The following ATF6B variants were observed in gnomAD, a reference collection of about 807,000 sequenced individuals.
ATF6B encodes the protein cyclic AMP-dependent transcription factor ATF-6 beta.
ATF6B carries 50 observed loss-of-function variants against 83.5 expected under a neutral mutation model. The observed-to-expected ratio is 0.60, with a 90% CI of 0.48 to 0.76. The LOEUF (loss-of-function observed/expected upper bound fraction) is 0.76. ATF6B is among the 30% of genes least tolerant of loss of function. The pLI, the probability that ATF6B is intolerant of heterozygous loss-of-function variation, is 0.00. For synonymous variants in ATF6B, 344 were observed against 362.8 expected (o/e 0.95, Z 0.59); for missense variants, 790 against 893.8 (o/e 0.88, Z 1.48).
In ATF6B at chr6:32,125,478, T is replaced by C. The variant is rs1214314103; in HGVS notation, c.478+639A>G. On this transcript the variant is annotated intron_variant, in intron 5 of 17. Coordinates refer to ENST00000375203, the MANE Select transcript of ATF6B (RefSeq NM_004381.5). This position sits in a 1 kb window ranked among gnomAD's most constrained non-coding sequence, Gnocchi z 4.1. The stretch of plus-strand genomic sequence containing the variant: ...CTTTCTGTATGTTTAAAAATGTTTA[T>C]GGGCTGGGCGCGATGGCTCACGCCT... Among the ~76,000 whole-genome samples, 1 of 152,130 alleles carries C rather than the reference T, an allele frequency of 6.6e-6. No individual in the cohort carries two copies. Among genetic ancestry groups the C allele is most frequent in the African/African-American group, 2.4e-5 (1 of 41,430 alleles).
Position 32,127,505 on chromosome 6 carries a change from G to A in ATF6B, c.187C>T (p.Leu63=), listed in dbSNP as rs1184469446. 6.2e-7 allele frequency: 1 copy of A among 1,613,448 alleles called. No individual in the cohort carries two copies. The highest frequency in any genetic ancestry group is 1.1e-5 in the South Asian group (1 of 91,012). The change falls in exon 3 of 18, where the codon CTG becomes TTG. Residue 63 remains leucine (L), a synonymous_variant. Transcript: ENST00000375203. ...EQDVPFDGSS[L]DVGMDVSPSE... ...GGGCTGACATCCATCCCCACGTCCA[G>A]GGAGCTGCCGTCAAACTAAATAAGG...
At position 32,117,886 on chromosome 6, in the gene ATF6B, G is replaced by C. The variant is rs773465509; in HGVS notation, c.1397C>G (p.Pro466Arg). 26 of 1,575,330 alleles carry C rather than the reference G, an allele frequency of 1.7e-5. No individual in the cohort carries two copies. The African/African-American group carries it at 3.0e-4, about 18-fold the overall frequency. ...GSSQGPKEPQPSPTDQPSFSN... is the reference protein window; with the variant it reads ...GSSQGPKEPQRSPTDQPSFSN... ...GAAACTGGGCTGGTCTGTGGGGCTGGGCTGGGGCTCCTTAGGGCCCTGGGA... is the reference window on the plus strand; with the variant it reads ...GAAACTGGGCTGGTCTGTGGGGCTGCGCTGGGGCTCCTTAGGGCCCTGGGA... Residue 466 changes from proline (P) to arginine (R), a missense_variant, in exon 12 of 18, where the codon CCC becomes CGC. Coordinates refer to ENST00000375203, the MANE Select transcript of ATF6B (RefSeq NM_004381.5). This position sits in a 1 kb window ranked among gnomAD's most constrained non-coding sequence, Gnocchi z 5.0.
chr6:32,121,012 C>T lies in ATF6B; in HGVS notation c.677G>A (p.Gly226Asp), dbSNP rs1781743200. ...PSLGAVQISMGPSLDGSSGKA... is the reference protein window; with the variant it reads ...PSLGAVQISMDPSLDGSSGKA... ...ACCTGAGGAGCCATCAAGGGATGGGCCCATGCTGATCTGGACAGCTCCAAG... is the reference window on the plus strand; with the variant it reads ...ACCTGAGGAGCCATCAAGGGATGGGTCCATGCTGATCTGGACAGCTCCAAG... Residue 226 changes from glycine to aspartate, a missense_variant, in exon 7 of 18, where the codon GGC (glycine) becomes GAC (aspartate). This residue lies in a region of ATF6B where 530 missense variants were observed against 632.6 expected (regional missense o/e 0.84). Transcript: ENST00000375203. 1 of 1,532,530 alleles carries T rather than the reference C, an allele frequency of 6.5e-7. No homozygotes were observed. The highest frequency in any genetic ancestry group is 8.7e-7 in the Non-Finnish European group (1 of 1,142,870). The allele number at this position is 1,532,530 out of a possible 1,614,324, so 94.9% of individuals were successfully genotyped here.
In ATF6B at chr6:32,116,402, C is replaced by T; in HGVS notation, c.1882+78G>A. ...CAGCAGCTCTCTGGATGCCCTGCTC[C>T]TCTCCCCCTTCCCCCTCAGCTCCCA... is the stretch of plus-strand genomic sequence containing the variant. On this transcript the variant is annotated intron_variant, in intron 17 of 17. Transcript: ENST00000375203. This position sits in a 1 kb window ranked among gnomAD's most constrained non-coding sequence, Gnocchi z 5.1. The T allele has an allele frequency of 7.1e-7, 1 of 1,405,906 alleles. No individual in the cohort carries two copies. Among genetic ancestry groups the T allele is most frequent in the East Asian group, 2.3e-5 (1 of 42,608 alleles). 87.1% of individuals were successfully genotyped at this position (1,405,906 alleles called of 1,614,324 possible). A position where few individuals can be genotyped will look rare whatever the true frequency, so the allele number is the denominator to read the frequency against.
At position 32,125,759 on chromosome 6, in the gene ATF6B, T is replaced by TCAA. The variant is rs1033928569; in HGVS notation, c.478+355_478+357dup. On this transcript the variant is annotated intron_variant, in intron 5 of 17. Transcript: ENST00000375203. The surrounding 1 kb of genome is among the most constrained non-coding windows in gnomAD (Gnocchi z 4.1). The stretch of plus-strand genomic sequence containing the variant: ...CCGAGCGACAGTGTGAGACTCTGTC[T>TCAA]CAACAACAACAAAAATGTTTATAAT... Among the ~76,000 whole-genome samples, 1 of 152,140 alleles carries TCAA rather than the reference T, an allele frequency of 6.6e-6. No individual in the cohort carries two copies. Among genetic ancestry groups the TCAA allele is most frequent in the African/African-American group, 2.4e-5 (1 of 41,424 alleles).
At position 32,128,214 on chromosome 6, in the gene ATF6B, C is replaced by CCCCCCCCCCCCCCCCCCCAAACCCGGT; in HGVS notation, c.-8_-7insACCGGGTTTGGGGGGGGGGGGGGGGGG. The CCCCCCCCCCCCCCCCCCCAAACCCGGT allele has an allele frequency of 6.5e-7, 1 of 1,545,256 alleles. No individual in the cohort carries two copies. Among genetic ancestry groups the CCCCCCCCCCCCCCCCCCCAAACCCGGT allele is most frequent in the Non-Finnish European group, 8.8e-7 (1 of 1,140,548 alleles). ...GCAGCATCAGCTCCGCCATCTTTCC[C>CCCCCCCCCCCCCCCCCCCAAACCCGGT]CCCCACCCCCCAACCAGGAGACGGT... On this transcript the variant is annotated 5_prime_UTR_variant, in exon 1 of 18. Coordinates refer to ENST00000375203, the MANE Select transcript of ATF6B (RefSeq NM_004381.5).
chr6:32,126,258 T>A lies in ATF6B; in HGVS notation c.343-6A>T. ...ACCTCCCCTACCCCAAGAGCCTGGG[T>A]GAGAGTTGGTGTGGGGCAGGGGGCA... On this transcript the variant is annotated splice_region_variant and splice_polypyrimidine_tract_variant and intron_variant, in intron 4 of 17. Coordinates refer to ENST00000375203, the MANE Select transcript of ATF6B (RefSeq NM_004381.5). 1 of 1,613,480 alleles carries A rather than the reference T, an allele frequency of 6.2e-7. No individual in the cohort carries two copies. The highest frequency in any genetic ancestry group is 8.5e-7 in the Non-Finnish European group (1 of 1,179,820).
rs1781608698 is a variant in ATF6B at position 32,118,159 on chromosome 6, G to C, written c.1245-121C>G. 1.2e-5 allele frequency: 15 copies of C among 1,237,950 alleles called. No individual in the cohort carries two copies. The South Asian group carries it at 1.9e-4, about 16-fold the overall frequency. 76.7% of individuals were successfully genotyped at this position (1,237,950 alleles called of 1,614,324 possible). A position where few individuals can be genotyped will look rare whatever the true frequency, so the allele number is the denominator to read the frequency against. On this transcript the variant is annotated intron_variant, in intron 11 of 17. Coordinates refer to ENST00000375203, the MANE Select transcript of ATF6B (RefSeq NM_004381.5). The surrounding 1 kb of genome is among the most constrained non-coding windows in gnomAD (Gnocchi z 5.2). The stretch of plus-strand genomic sequence containing the variant: ...CAATCTGTTATACAAGCCTGAGTCT[G>C]CCTCTGTAAGATGGGAATAAGGATG...
chr6:32,124,870 C>T (rs914980951), intron 5 of ATF6B, among the ~76,000 whole-genome samples: 2 of 151,034 alleles, frequency 1.3e-5, no homozygotes. Context: ...TTTTTCCAGA[C>T]GGAGTCTTGC....
Position 32,115,672 on chromosome 6 carries a change from T to C in ATF6B, c.*67A>G, listed in dbSNP as rs755673897. 2.4e-5 allele frequency: 34 copies of C among 1,392,080 alleles called. No individual in the cohort carries two copies. The highest frequency in any genetic ancestry group is 3.2e-5 in the Non-Finnish European group (33 of 1,020,766). The allele number at this position is 1,392,080 out of a possible 1,614,324, so 86.2% of individuals were successfully genotyped here. A position where few individuals can be genotyped will look rare whatever the true frequency, so the allele number is the denominator to read the frequency against. ...CCCAAGCCTGGGGATCAGGGAAATT[T>C]GAAACAGTCCCACCTGGCCACCTGG... On this transcript the variant is annotated 3_prime_UTR_variant, in exon 18 of 18. Transcript: ENST00000375203.
rs750613229 is a variant in ATF6B at position 32,126,157 on chromosome 6, G to A, written c.438C>T (p.Thr146=). Residue 146 remains threonine (T), a synonymous_variant, in exon 5 of 18, where the codon ACC becomes ACT. Transcript: ENST00000375203. ...LGDDPTSSFE[T]VQINVIPTSD... ...AGGTGGGGATAACGTTGATCTGGAC[G>A]GTTTCAAATGAGGATGTTGGGTCAT... is the stretch of plus-strand genomic sequence containing the variant. 35 of 1,614,078 alleles carry A rather than the reference G, an allele frequency of 2.2e-5. No individual in the cohort carries two copies. The African/African-American group carries it at 2.3e-4, about 10-fold the overall frequency.
intron 4 of ATF6B, 50 bp downstream of exon 4, chr6:32,127,053 A>C: frequency 7.0e-7 from 1 of 1,423,096 alleles, no homozygotes; most frequent in Non-Finnish European, 9.5e-7. Context: ...GGTGAAGGGA[A>C]TGAAGCAGAG....
At position 32,118,860 on chromosome 6, in the gene ATF6B, C is replaced by G; in HGVS notation, c.1159G>C (p.Glu387Gln). The G allele has an allele frequency of 6.2e-7, 1 of 1,614,192 alleles. No individual in the cohort carries two copies. Among genetic ancestry groups the G allele is most frequent in the Non-Finnish European group, 8.5e-7 (1 of 1,180,034 alleles). The stretch of plus-strand genomic sequence containing the variant: ...CTGTTTCCAGACCCTAACTTGAGCT[C>G]GCTGTTCTAAGGTACAAAGAAGGAG... ...RLEALLAENS[E>Q]LKLGSGNRKV... Residue 387 changes from glutamate (E) to glutamine (Q), a missense_variant, in exon 11 of 18, where the codon GAG (glutamate) becomes CAG (glutamine). Around this residue, in one of 3 missense-constraint regions of ATF6B, gnomAD observed 530 missense variants for 632.6 expected, o/e 0.84. Coordinates refer to ENST00000375203, the MANE Select transcript of ATF6B (RefSeq NM_004381.5). This position sits in a 1 kb window ranked among gnomAD's most constrained non-coding sequence, Gnocchi z 5.2.
Position 32,115,768 on chromosome 6 carries a change from G to A in ATF6B, c.2083C>T (p.His695Tyr), listed in dbSNP as rs139288603. ...SAASQAHQAS[H>Y]QPLYLNHP The stretch of plus-strand genomic sequence containing the variant: ...GGATGATTGAGGTAGAGGGGCTGGT[G>A]GGAGGCCTGGTGGGCCTGGCTGGCT... The change falls in exon 18 of 18, where the codon CAC (histidine) becomes TAC (tyrosine). Residue 695 changes from histidine (H) to tyrosine (Y), a missense_variant. By Grantham distance (83) the His-to-Tyr change is moderately conservative (BLOSUM62 2). Transcript: ENST00000375203. The A allele has an allele frequency of 8.1e-6, 13 of 1,609,372 alleles. No homozygotes were observed. In the Middle Eastern group the frequency reaches 6.6e-4, roughly 82 times the overall value.
Position 32,116,708 on chromosome 6 carries a change from C to G in ATF6B, c.1793G>C (p.Arg598Pro), listed in dbSNP as rs148987710. ...GGAAGGGCAGGAGAAACTCACCCTT[C>G]GGAAAGAGACAACATAAAATGTGTC... ...REDTFYVVSF[R>P]RDHLLLPAIS... Residue 598 changes from arginine (R) to proline (P), a missense_variant, in exon 16 of 18, where the codon CGA becomes CCA. Around this residue, in one of 3 missense-constraint regions of ATF6B, gnomAD observed 530 missense variants for 632.6 expected, o/e 0.84. Transcript: ENST00000375203. This position sits in a 1 kb window ranked among gnomAD's most constrained non-coding sequence, Gnocchi z 5.1. 5 of 1,614,024 alleles carry G rather than the reference C, an allele frequency of 3.1e-6. No homozygotes were observed. The highest frequency in any genetic ancestry group is 4.2e-6 in the Non-Finnish European group (5 of 1,179,926).
In ATF6B at chr6:32,117,836, G is replaced by C. The variant is rs745742712; in HGVS notation, c.1424+23C>G. The C allele has an allele frequency of 4.5e-6, 7 of 1,556,640 alleles. No homozygotes were observed. The Admixed American group carries it at 5.9e-5, about 13-fold the overall frequency. On this transcript the variant is annotated intron_variant, in intron 12 of 17. Coordinates refer to ENST00000375203, the MANE Select transcript of ATF6B (RefSeq NM_004381.5). The surrounding 1 kb of genome is among the most constrained non-coding windows in gnomAD (Gnocchi z 5.0). ...CCAACTCATACCCTCAAACGAGAGGGGGCCCTCTCTCTCTCTCCTCACCTG... is the reference window on the plus strand; with the variant it reads ...CCAACTCATACCCTCAAACGAGAGGCGGCCCTCTCTCTCTCTCCTCACCTG...
rs781729544 is a variant in ATF6B, at chr6:32,117,157, A to G, written c.1615-50T>C. ...TTGGAGAGGGTGAAGGGAAAAGGGA[A>G]AGAGACAAACAGCCCCTGGAAGCTG... On this transcript the variant is annotated intron_variant, in intron 14 of 17. Transcript: ENST00000375203. The surrounding 1 kb of genome is among the most constrained non-coding windows in gnomAD (Gnocchi z 5.0). The G allele has an allele frequency of 1.3e-6, 2 of 1,597,994 alleles. No individual in the cohort carries two copies. The highest frequency in any genetic ancestry group is 1.7e-6 in the Non-Finnish European group (2 of 1,166,244).
In ATF6B at chr6:32,127,452, C is replaced by A; in HGVS notation, c.240G>T (p.Pro80=). Reference sequence around the variant, plus strand: ...CAAAGACTACCTTACCTGGGAAGATCGGCAGGAGTTCCCATGGGGGCTCAG... The same window carrying A: ...CAAAGACTACCTTACCTGGGAAGATAGGCAGGAGTTCCCATGGGGGCTCAG... ...SPSEPPWELL[P]IFPDLQVKSE... Residue 80 remains proline (P), a synonymous_variant, in exon 3 of 18, where the codon CCG becomes CCT. Coordinates refer to ENST00000375203, the MANE Select transcript of ATF6B (RefSeq NM_004381.5). 1 of 1,612,028 alleles carries A rather than the reference C, an allele frequency of 6.2e-7. No homozygotes were observed. Among genetic ancestry groups the A allele is most frequent in the East Asian group, 2.2e-5 (1 of 44,806 alleles).
Position 32,115,811 on chromosome 6 carries a change from G to A in ATF6B, c.2040C>T (p.Gly680=). 6.2e-7 allele frequency: 1 copy of A among 1,613,898 alleles called. No individual in the cohort carries two copies. The highest frequency in any genetic ancestry group is 8.5e-7 in the Non-Finnish European group (1 of 1,179,916). Residue 680 remains glycine, a synonymous_variant, in exon 18 of 18, where the codon GGC becomes GGT. Transcript: ENST00000375203. ...GGCTGGCTGCAGAGACTGGCAAGGGGCCACCTGTGGCATTGCCTGGGGTTG... is the reference window on the plus strand; with the variant it reads ...GGCTGGCTGCAGAGACTGGCAAGGGACCACCTGTGGCATTGCCTGGGGTTG... ...PSPTPGNATG[G]PLPVSAASQA...
Sources: allele counts gnomAD v4.1 joint callset (sites outside exome capture counted in the v4.1 genomes callset), GRCh38; gene constraint gnomAD v4.1.1; regional missense constraint gnomAD v4.1.1; non-coding constraint Gnocchi (gnomAD v3.1); transcripts MANE v1.5; gene names NCBI Gene and HGNC (gene_info 2026-07-23, HGNC 2026-07-21).